Variants in ARIH1 observed in about 807,000 individuals in gnomAD.
The protein encoded by ARIH1 is E3 ubiquitin-protein ligase ARIH1.
A neutral mutation model predicts 85.0 loss-of-function variants in ARIH1; 8 were observed. That is an observed-to-expected ratio of 0.09 (90% confidence interval 0.06 to 0.17). The LOEUF (loss-of-function observed/expected upper bound fraction) is 0.17. Ranked by LOEUF, ARIH1 falls within the 10% of genes least tolerant of loss-of-function variation. The pLI is 1.00. For missense variants in ARIH1, 311 were observed against 718.1 expected (o/e 0.43, Z 6.48); for synonymous variants, 238 against 253.6 (o/e 0.94, Z 0.59).
rs1024323522 is a variant in ARIH1 at position 72,596,750 on chromosome 15, T to G, written c.*13458T>G. The stretch of plus-strand genomic sequence containing the variant: ...TTTATTGAATTCTCCATTTAAAAAT[T>G]TTTATTTTTAGTTATTTATGGATAC... On this transcript the variant is annotated 3_prime_UTR_variant, in exon 14 of 14. Transcript: ENST00000379887. 1.3e-5 allele frequency: 2 copies of G among 152,178 alleles called. No homozygotes were observed. The highest frequency in any genetic ancestry group is 2.4e-5 in the African/African-American group (1 of 41,448). The allele number at this position is 152,178 out of a possible 1,614,324, so 9.4% of individuals were successfully genotyped here.
intron 9 of ARIH1, among the ~76,000 whole-genome samples, chr15:72,569,554 A>G (rs2140435331): frequency 6.6e-6 from 1 of 152,292 alleles, no homozygotes; most frequent in Middle Eastern, 3.4e-3. Context: ...TAGCTTCTTT[A>G]TAATTTTTCT....
At position 72,591,987 on chromosome 15, in the gene ARIH1, G is replaced by C. The variant is rs2064345346; in HGVS notation, c.*8695G>C. The C allele has an allele frequency of 6.6e-6, 1 of 152,210 alleles. No individual in the cohort carries two copies. Among genetic ancestry groups the C allele is most frequent in the South Asian group, 2.1e-4 (1 of 4,832 alleles). 9.4% of individuals were successfully genotyped at this position (152,210 alleles called of 1,614,324 possible). ...AATGATTTTGTATCCCAAAATCCTA[G>C]TACTAATTTGGAGTGTTGTAAAGGT... On this transcript the variant is annotated 3_prime_UTR_variant, in exon 14 of 14. Transcript: ENST00000379887.
chr15:72,486,243 T>C (rs1259348438), intron 1 of ARIH1, among the ~76,000 whole-genome samples: 5 of 152,138 alleles, frequency 3.3e-5, no homozygotes, highest in Non-Finnish European at 7.4e-5. Context: ...AAATATTAAA[T>C]AGAAAATTTC....
chr15:72,510,535 G>A (rs1206843394), intron 1 of ARIH1, among the ~76,000 whole-genome samples: 1 of 151,590 alleles, frequency 6.6e-6, no homozygotes, highest in Non-Finnish European at 1.5e-5. Context: ...ACGAGGTCAG[G>A]AGATCGAGAC....
At chr15:72,492,289 G>A (rs2063862648) in intron 1 of ARIH1, among the ~76,000 whole-genome samples, 1 of 152,020 alleles carries the variant, frequency 6.6e-6, no homozygotes, top group African/African-American at 2.4e-5. Context: ...GGTCCAAAAA[G>A]CCCAGCATTC....
chr15:72,544,995 G>T (rs755536712), intron 3 of ARIH1, 31 bp downstream of exon 3: 7 of 1,505,406 alleles, frequency 4.6e-6, no homozygotes, highest in Non-Finnish European at 6.3e-6. Context: ...GGCTAGTGCT[G>T]ACTTTGTATT....
chr15:72,583,435 A>G lies in ARIH1; in HGVS notation c.*143A>G. ...AGTACCAGAATTGTTTTGTTAATGG[A>G]AAGTTTAAGTAAATTATATTGTAAT... On this transcript the variant is annotated 3_prime_UTR_variant, in exon 14 of 14. Coordinates refer to ENST00000379887, the MANE Select transcript of ARIH1 (RefSeq NM_005744.5). 1 of 565,278 alleles carries G rather than the reference A, an allele frequency of 1.8e-6. No homozygotes were observed. The allele number at this position is 565,278 out of a possible 1,614,324, so 35.0% of individuals were successfully genotyped here.
intron 5 of ARIH1, among the ~76,000 whole-genome samples, chr15:72,556,247 A>G (rs2140429551): frequency 6.6e-6 from 1 of 152,366 alleles, no homozygotes; most frequent in African/African-American, 2.4e-5. Context: ...TGTGCAAGGT[A>G]AACAGCAGGA....
At position 72,538,512 on chromosome 15, in the gene ARIH1, A is replaced by G. The variant is rs2064092729; in HGVS notation, c.444-6308A>G. Among the ~76,000 whole-genome samples the G allele has an allele frequency of 2.6e-5, 4 of 152,228 alleles. No individual in the cohort carries two copies. In the South Asian group the frequency reaches 8.3e-4, roughly 32 times the overall value. ...TCTTTATGAAGTATGAAGACTTAGT[A>G]GCTTTGAAGATAAAATTAAATATTC... is the stretch of plus-strand genomic sequence containing the variant. On this transcript the variant is annotated intron_variant, in intron 2 of 13. Coordinates refer to ENST00000379887, the MANE Select transcript of ARIH1 (RefSeq NM_005744.5).
rs550880216 is a variant in ARIH1 at position 72,586,198 on chromosome 15, A to G, written c.*2906A>G. ...GATACACGTGTATACATACACCCAT[A>G]TACAACAGATCCAAGACTGGCTGAC... On this transcript the variant is annotated 3_prime_UTR_variant, in exon 14 of 14. Coordinates refer to ENST00000379887, the MANE Select transcript of ARIH1 (RefSeq NM_005744.5). 2.6e-5 allele frequency: 4 copies of G among 152,348 alleles called. No homozygotes were observed. In the South Asian group the frequency reaches 8.3e-4, roughly 32 times the overall value. The allele number at this position is 152,348 out of a possible 1,614,324, so 9.4% of individuals were successfully genotyped here.
At chr15:72,543,117 T>G (rs1249950527) in intron 2 of ARIH1, among the ~76,000 whole-genome samples, 2 of 151,806 alleles carry the variant, frequency 1.3e-5, no homozygotes, top group Non-Finnish European at 2.9e-5. Context: ...GTATTTTTAG[T>G]AGAGATGGGG....
intron 1 of ARIH1, among the ~76,000 whole-genome samples, chr15:72,478,749 T>G (rs1447716952): frequency 6.6e-6 from 1 of 152,196 alleles, no homozygotes; most frequent in African/African-American, 2.4e-5. Flanking sequence ...ATAGTGATAG[T>G]TAATCCACTG....
intron 2 of ARIH1, among the ~76,000 whole-genome samples, chr15:72,538,732 C>A (rs1239313994): frequency 6.6e-6 from 1 of 152,150 alleles, no homozygotes; most frequent in Non-Finnish European, 1.5e-5. Context: ...AATTAAGATT[C>A]AAATATTCTG....
chr15:72,505,439 A>T (rs924323283), intron 1 of ARIH1, among the ~76,000 whole-genome samples: 11 of 151,968 alleles, frequency 7.2e-5, no homozygotes, highest in African/African-American at 2.7e-4. Flanking sequence ...ATATTTTTTT[A>T]ATGGCTGCAT....
intron 5 of ARIH1, among the ~76,000 whole-genome samples, chr15:72,558,577 C>T (rs1057514385): frequency 6.6e-6 from 1 of 152,236 alleles, no homozygotes; most frequent in African/African-American, 2.4e-5. Flanking sequence ...GCTAGGATTA[C>T]AGGCGTGAGC....
At position 72,577,342 on chromosome 15, in the gene ARIH1, T is replaced by C. The variant is rs540682078; in HGVS notation, c.1216-3389T>C. Among the ~76,000 whole-genome samples the C allele has an allele frequency of 6.8e-4, 103 of 152,154 alleles. 1 individual carries two copies. The highest frequency in any genetic ancestry group is 1.3e-3 in the Non-Finnish European group (91 of 67,996). Reference sequence around the variant, plus strand: ...CTAGGAAAAAAGTTATTTTAAAAAATTGTGAAGAAGAGAAAATGTGTTTAC... The same window carrying C: ...CTAGGAAAAAAGTTATTTTAAAAAACTGTGAAGAAGAGAAAATGTGTTTAC... On this transcript the variant is annotated intron_variant, in intron 11 of 13. Transcript: ENST00000379887.
At chr15:72,524,891 T>C (rs1422368032) in intron 2 of ARIH1, among the ~76,000 whole-genome samples, 1 of 152,164 alleles carries the variant, frequency 6.6e-6, no homozygotes, top group African/African-American at 2.4e-5. Flanking sequence ...GGATTTCTCT[T>C]TTTTTCCTTT....
At chr15:72,534,482 T>C (rs868662446) in intron 2 of ARIH1, among the ~76,000 whole-genome samples, 1 of 152,200 alleles carries the variant, frequency 6.6e-6, no homozygotes, top group African/African-American at 2.4e-5. Context: ...AAAACACATA[T>C]ACACAGACAT....
chr15:72,488,250 T>C (rs1227402396), intron 1 of ARIH1, among the ~76,000 whole-genome samples: 1 of 152,140 alleles, frequency 6.6e-6, no homozygotes, highest in Non-Finnish European at 1.5e-5. Flanking sequence ...TTGTTTGTTT[T>C]GTTTTTGGTA....
Sources: allele counts gnomAD v4.1 joint callset (sites outside exome capture counted in the v4.1 genomes callset), GRCh38; gene constraint gnomAD v4.1.1; transcripts MANE v1.5; gene names NCBI Gene and HGNC (gene_info 2026-07-23, HGNC 2026-07-21).